Variants in TMX3 observed in about 807,000 individuals in gnomAD.
TMX3 encodes thioredoxin related transmembrane protein 3, also known as protein disulfide-isomerase TMX3.
In TMX3, 40 loss-of-function variants were observed where a neutral mutation model predicts 64.4. That is an observed-to-expected ratio of 0.62 (90% CI 0.48 to 0.81). The LOEUF is 0.81. Among genes scored for constraint, TMX3 ranks in the 30% least tolerant of loss-of-function variants. The pLI, the probability that TMX3 is intolerant of heterozygous loss-of-function variation, is 0.00. For missense variants in TMX3, 497 were observed against 534.5 expected (o/e 0.93, Z 0.69); for synonymous variants, 189 against 175.7 (o/e 1.08, Z -0.60).
At chr18:68,693,087 T>C (rs1255857925) in intron 8 of TMX3, among the ~76,000 whole-genome samples, 1 of 152,202 alleles carries the variant, frequency 6.6e-6, no homozygotes, top group Non-Finnish European at 1.5e-5. Context: ...CAGATTCTAG[T>C]CCATTTTAAT....
chr18:68,714,091 C>A (rs1288114435), intron 1 of TMX3, among the ~76,000 whole-genome samples, 191 bp from the exon 2 acceptor site: 2 of 152,168 alleles, frequency 1.3e-5, no homozygotes, highest in Non-Finnish European at 2.9e-5. Context: ...AGTCTGTATG[C>A]AACCATATCG....
intron 15 of TMX3, among the ~76,000 whole-genome samples, chr18:68,677,512 G>A (rs1489707426): frequency 6.6e-6 from 1 of 152,076 alleles, no homozygotes; most frequent in Admixed American, 6.6e-5. Flanking sequence ...TGCTTACTAT[G>A]TGCGCCCAGC....
intron 6 of TMX3, among the ~76,000 whole-genome samples, chr18:68,698,954 G>A (rs1376676722): frequency 3.3e-5 from 5 of 151,390 alleles, no homozygotes; most frequent in Non-Finnish European, 7.4e-5. Flanking sequence ...CCCGGGAGGC[G>A]GAGCTTGCAG....
At chr18:68,679,391 AT>A (rs1291704075) in intron 15 of TMX3, 71 bp downstream of exon 15, 1 of 1,298,652 alleles carries the variant, frequency 7.7e-7, no homozygotes, top group African/African-American at 1.5e-5. Context: ...TCAAATTCAG[AT>A]TTTTAACACA....
chr18:68,695,899 C>A (rs1915018567), intron 8 of TMX3, among the ~76,000 whole-genome samples: 1 of 152,220 alleles, frequency 6.6e-6, no homozygotes, highest in South Asian at 2.1e-4. Context: ...CTGCCCTCCA[C>A]CCACTTCCCA....
At chr18:68,687,923 C>T (rs1914121251) in intron 9 of TMX3, 158 bp from the exon 10 acceptor site, 1 of 455,876 alleles carries the variant, frequency 2.2e-6, no homozygotes. Context: ...ATCAAATGTA[C>T]AGAAGGATTA....
intron 10 of TMX3, chr18:68,687,302 C>T: frequency 2.0e-6 from 2 of 985,384 alleles, no homozygotes; most frequent in Non-Finnish European, 2.4e-6. Context: ...TTTTCCCTTT[C>T]ACAGGTAAAA....
At chr18:68,686,430 T>G (rs1452518043) in intron 10 of TMX3, among the ~76,000 whole-genome samples, 1 of 152,100 alleles carries the variant, frequency 6.6e-6, no homozygotes, top group African/African-American at 2.4e-5. Flanking sequence ...AATCAAAAAG[T>G]CTGGGCACGG....
At chr18:68,709,018 T>C (rs554694949) in intron 4 of TMX3, among the ~76,000 whole-genome samples, 2 of 152,270 alleles carry the variant, frequency 1.3e-5, no homozygotes, top group African/African-American at 4.8e-5. Context: ...AAACGAAATA[T>C]ACATTACGTA....
At chr18:68,703,623 C>T (rs2030348827) in intron 4 of TMX3, among the ~76,000 whole-genome samples, 1 of 152,118 alleles carries the variant, frequency 6.6e-6, no homozygotes, top group African/African-American at 2.4e-5. Flanking sequence ...ACAGTAACTT[C>T]TATAAAACTT....
intron 10 of TMX3, chr18:68,686,974 A>G: frequency 2.0e-6 from 2 of 983,312 alleles, no homozygotes; most frequent in Non-Finnish European, 2.4e-6. Context: ...CCTATTACTT[A>G]CATTAAAAAA....
In TMX3 at chr18:68,673,862, A is replaced by C. The variant is rs1010327413; in HGVS notation, c.*3071T>G. 1 of 152,128 alleles carries C rather than the reference A, an allele frequency of 6.6e-6. No individual in the cohort carries two copies. The highest frequency in any genetic ancestry group is 2.1e-4 in the South Asian group (1 of 4,834). The allele number at this position is 152,128 out of a possible 1,614,324, so 9.4% of individuals were successfully genotyped here. A position where few individuals can be genotyped will look rare whatever the true frequency, so the allele number is the denominator to read the frequency against. Reference sequence around the variant, plus strand: ...CTTGGACTCAGACACATTCAGAAAAAATATATATTTATAAAAATAAAATGT... The same window carrying C: ...CTTGGACTCAGACACATTCAGAAAACATATATATTTATAAAAATAAAATGT... On this transcript the variant is annotated 3_prime_UTR_variant, in exon 16 of 16. Transcript: ENST00000299608.
chr18:68,684,764 T>A (rs1181254801), intron 10 of TMX3, among the ~76,000 whole-genome samples: 3 of 152,214 alleles, frequency 2.0e-5, no homozygotes, highest in Admixed American at 6.5e-5. Context: ...TAGTATTTTT[T>A]ATACCAACTT....
intron 9 of TMX3, among the ~76,000 whole-genome samples, chr18:68,689,218 G>A (rs1329353921): frequency 6.6e-6 from 1 of 152,138 alleles, no homozygotes; most frequent in African/African-American, 2.4e-5. Flanking sequence ...TTAGAGAAAT[G>A]GGGCCTTTAC....
chr18:68,714,732 A>G (rs994681757), intron 1 of TMX3, among the ~76,000 whole-genome samples: 5 of 152,256 alleles, frequency 3.3e-5, no homozygotes, highest in Non-Finnish European at 5.9e-5. Context: ...GGTCCGGCAC[A>G]GCGGCGGCGG....
rs528998651 is a variant in TMX3, at chr18:68,686,663, C to T, written c.736+1004G>A. The T allele has an allele frequency of 3.1e-5, 28 of 912,922 alleles. No individual in the cohort carries two copies. The African/African-American group carries it at 4.0e-4, about 13-fold the overall frequency. The allele number at this position is 912,922 out of a possible 1,614,324, so 56.6% of individuals were successfully genotyped here. A position where few individuals can be genotyped will look rare whatever the true frequency, so the allele number is the denominator to read the frequency against. Reference sequence around the variant, plus strand: ...TGGAGGTTGCAGTGAGCCAAGATCACGTCACTGCACTCCAGCCTGGCGACA... The same window carrying T: ...TGGAGGTTGCAGTGAGCCAAGATCATGTCACTGCACTCCAGCCTGGCGACA... On this transcript the variant is annotated intron_variant, in intron 10 of 15. Coordinates refer to ENST00000299608, the MANE Select transcript of TMX3 (RefSeq NM_019022.5).
chr18:68,699,182 C>A (rs1254103376), intron 6 of TMX3, among the ~76,000 whole-genome samples: 1 of 152,090 alleles, frequency 6.6e-6, no homozygotes, highest in Admixed American at 6.5e-5. Flanking sequence ...TCACTCTACC[C>A]TAGCCTCAAT....
intron 13 of TMX3, 32 bp from the exon 14 acceptor site, chr18:68,681,142 T>C: frequency 1.3e-6 from 2 of 1,505,952 alleles, no homozygotes; most frequent in East Asian, 2.4e-5. Context: ...AAAATATACA[T>C]TAAACACAGC....
intron 5 of TMX3, chr18:68,700,934 G>A (rs770996877): frequency 1.4e-5 from 14 of 984,620 alleles, no homozygotes; most frequent in African/African-American, 7.0e-5. Context: ...AGAGTAAAAC[G>A]ATGCATTAAA....
Sources: allele counts gnomAD v4.1 joint callset (sites outside exome capture counted in the v4.1 genomes callset), GRCh38; gene constraint gnomAD v4.1.1; transcripts MANE v1.5; gene names NCBI Gene and HGNC (gene_info 2026-07-23, HGNC 2026-07-21).